The following MIER2 variants were observed in gnomAD, a reference collection of about 807,000 sequenced individuals.
MIER2 encodes MIER family member 2.
A neutral mutation model predicts 67.6 loss-of-function variants in MIER2; 30 were observed. That is an observed-to-expected ratio of 0.44 (90% CI 0.33 to 0.60). The LOEUF (loss-of-function observed/expected upper bound fraction) is 0.60. Among genes scored for constraint, MIER2 ranks in the 20% least tolerant of loss-of-function variants. MIER2 has a pLI of 0.02. For missense variants in MIER2, 702 were observed against 745.1 expected (o/e 0.94, Z 0.67); for synonymous variants, 372 against 312.6 (o/e 1.19, Z -2.00).
rs1438983342 is a variant in MIER2 at position 344,686 on chromosome 19, C to T, written c.9+88G>A. 6.7e-6 allele frequency: 6 copies of T among 899,876 alleles called. No individual in the cohort carries two copies. In the Admixed American group the frequency reaches 3.1e-4, roughly 47 times the overall value. 55.7% of individuals were successfully genotyped at this position (899,876 alleles called of 1,614,324 possible). On this transcript the variant is annotated intron_variant, in intron 1 of 13. Transcript: ENST00000264819. ...AGCTCCAGAGCGGGGCTCTCCGTCCCTGGGGCCCACGACGAGGCCGAGCCA... is the reference window on the plus strand; with the variant it reads ...AGCTCCAGAGCGGGGCTCTCCGTCCTTGGGGCCCACGACGAGGCCGAGCCA...
chr19:335,978 G>A, intron 2 of MIER2, 105 bp downstream of exon 2: 3 of 1,107,748 alleles, frequency 2.7e-6, no homozygotes, highest in Non-Finnish European at 4.0e-6. Flanking sequence ...GACTCTGGAA[G>A]CCAGTGTGCC....
In MIER2 at chr19:308,241, G is replaced by C. The variant is rs553926784; in HGVS notation, c.1198+336C>G. Among the ~76,000 whole-genome samples, 1 of 152,156 alleles carries C rather than the reference G, an allele frequency of 6.6e-6. No individual in the cohort carries two copies. The highest frequency in any genetic ancestry group is 1.5e-5 in the Non-Finnish European group (1 of 68,006). The stretch of plus-strand genomic sequence containing the variant: ...TGTCCTTCCTGAGTGTCCTGGTGAC[G>C]GGCTAAGTCCCCACCCTGGGGCAGG... On this transcript the variant is annotated intron_variant, in intron 12 of 13. Transcript: ENST00000264819. This position sits in a 1 kb window ranked among gnomAD's most constrained non-coding sequence, Gnocchi z 9.1.
At position 336,109 on chromosome 19, in the gene MIER2, C is replaced by G; in HGVS notation, c.74G>C (p.Gly25Ala). The G allele has an allele frequency of 6.2e-7, 1 of 1,613,940 alleles. No individual in the cohort carries two copies. The highest frequency in any genetic ancestry group is 8.5e-7 in the Non-Finnish European group (1 of 1,179,872). Residue 25 changes from glycine to alanine, a missense_variant, in exon 2 of 14, where the codon GGG becomes GCG. By Grantham distance (60) the Gly-to-Ala change is moderately conservative. Around this residue, in one of 3 missense-constraint regions of MIER2, gnomAD observed 320 missense variants for 292.6 expected, o/e 1.09. Coordinates refer to ENST00000264819, the MANE Select transcript of MIER2 (RefSeq NM_017550.3). ...VSCLEHSLCP[G>A]EPGLQTTAVV... ...TGCTGTTGTCTGCAAGCCCGGCTCC[C>G]CTGGGCACAGGCTGTGCTCGAGGCA...
At chr19:325,380 G>T (rs1971692957) in intron 7 of MIER2, among the ~76,000 whole-genome samples, 1 of 152,152 alleles carries the variant, frequency 6.6e-6, no homozygotes, top group South Asian at 2.1e-4. Context: ...TCAGAGGCAG[G>T]ACGGGCTGCT....
rs1568214922 is a variant in MIER2, at chr19:308,988, G to A, written c.985-63C>T. The A allele has an allele frequency of 7.7e-6, 12 of 1,563,080 alleles. 1 individual carries two copies. Among genetic ancestry groups the A allele is most frequent in the Admixed American group, 3.5e-5 (2 of 56,608 alleles). ...TGCCCAGCCCCAGCACCTGCACCAC[G>A]ATCCCAGGACGTCCTGGGACCCCGG... On this transcript the variant is annotated intron_variant, in intron 10 of 13. Transcript: ENST00000264819. The surrounding 1 kb of genome is among the most constrained non-coding windows in gnomAD (Gnocchi z 9.1).
intron 3 of MIER2, chr19:334,150 T>A: frequency 2.2e-6 from 1 of 458,244 alleles, no homozygotes; most frequent in East Asian, 4.1e-5. Context: ...TTTTTAAGAG[T>A]ACAAAGCAGG....
intron 1 of MIER2, among the ~76,000 whole-genome samples, chr19:338,518 A>G (rs770344839): frequency 6.6e-6 from 1 of 152,176 alleles, no homozygotes; most frequent in Non-Finnish European, 1.5e-5. Context: ...CTGATTGACA[A>G]ATTCAACACC....
chr19:320,646 C>T (rs1971462637), intron 7 of MIER2, among the ~76,000 whole-genome samples: 1 of 152,136 alleles, frequency 6.6e-6, no homozygotes, highest in African/African-American at 2.4e-5. Context: ...GTGAACTGCA[C>T]ACACCAGGGA....
At chr19:320,246 T>C (rs1488786866) in intron 7 of MIER2, among the ~76,000 whole-genome samples, 2 of 151,590 alleles carry the variant, frequency 1.3e-5, no homozygotes, top group African/African-American at 4.8e-5. Context: ...CGGCGTGCAG[T>C]GGCGCACATC....
At chr19:313,828 C>T (rs539044284) in intron 7 of MIER2, among the ~76,000 whole-genome samples, 185 bp from the exon 8 acceptor site, 7 of 152,308 alleles carry the variant, frequency 4.6e-5, no homozygotes, top group African/African-American at 1.4e-4. Flanking sequence ...CTCAATTCAA[C>T]TACCGAGTGG....
chr19:344,379 G>C (rs919541340), intron 1 of MIER2: 4 of 984,694 alleles, frequency 4.1e-6, no homozygotes, highest in South Asian at 4.7e-5. Flanking sequence ...AGGCGCGGGA[G>C]GGGAGGCCTG....
chr19:327,106 G>A (rs747139577), intron 5 of MIER2, 27 bp downstream of exon 5: 7 of 1,563,318 alleles, frequency 4.5e-6, no homozygotes, highest in Non-Finnish European at 6.0e-6. Context: ...CCTGGCTGCG[G>A]TGGAGTATGG....
chr19:328,511 G>T (rs1041596392), intron 3 of MIER2, among the ~76,000 whole-genome samples: 1 of 152,022 alleles, frequency 6.6e-6, no homozygotes, highest in African/African-American at 2.4e-5. Flanking sequence ...ATTTTGGAAG[G>T]CTACAGCAGG....
At chr19:339,470 A>G (rs1972405732) in intron 1 of MIER2, among the ~76,000 whole-genome samples, 2 of 152,270 alleles carry the variant, frequency 1.3e-5, no homozygotes, top group Admixed American at 6.5e-5. Context: ...GAACGTGGAC[A>G]AAGTGGAACT....
chr19:322,767 A>T (rs571762432), intron 7 of MIER2, among the ~76,000 whole-genome samples: 1 of 151,690 alleles, frequency 6.6e-6, no homozygotes, highest in Non-Finnish European at 1.5e-5. Flanking sequence ...CTCCCACACG[A>T]CTCCCCGCTG....
In MIER2 at chr19:306,437, G is replaced by A; in HGVS notation, c.*253C>T. On this transcript the variant is annotated 3_prime_UTR_variant, in exon 14 of 14. Coordinates refer to ENST00000264819, the MANE Select transcript of MIER2 (RefSeq NM_017550.3). ...GGCTGCCCGACGGATCCCACGTGCA[G>A]GCAGCGGCCCGGACCCGGGTGGCAG... 1.7e-6 allele frequency: 1 copy of A among 598,178 alleles called. No homozygotes were observed. The highest frequency in any genetic ancestry group is 3.0e-6 in the Non-Finnish European group (1 of 338,808). The allele number at this position is 598,178 out of a possible 1,614,324, so 37.1% of individuals were successfully genotyped here. A position where few individuals can be genotyped will look rare whatever the true frequency, so the allele number is the denominator to read the frequency against.
At chr19:320,379 A>G (rs1038596664) in intron 7 of MIER2, among the ~76,000 whole-genome samples, 1 of 151,918 alleles carries the variant, frequency 6.6e-6, no homozygotes, top group African/African-American at 2.4e-5. Flanking sequence ...GACTTTGTCC[A>G]AAAAACTAAA....
chr19:318,016 C>A (rs1971335087), intron 7 of MIER2, among the ~76,000 whole-genome samples: 1 of 151,756 alleles, frequency 6.6e-6, no homozygotes, highest in Admixed American at 6.6e-5. Context: ...CCAGCCTGGC[C>A]AACATGGTGA....
chr19:306,641 G>A lies in MIER2; in HGVS notation c.*49C>T, dbSNP rs374520484. 42 of 1,549,808 alleles carry A rather than the reference G, an allele frequency of 2.7e-5. No individual in the cohort carries two copies. The highest frequency in any genetic ancestry group is 7.3e-5 in the East Asian group (3 of 40,900). On this transcript the variant is annotated 3_prime_UTR_variant, in exon 14 of 14. Transcript: ENST00000264819. ...GAAGACTGACAGAGGCGGGCCCAGC[G>A]GCAGCGCTAAGTCCAGTCTGGGCCG...
Sources: allele counts gnomAD v4.1 joint callset (sites outside exome capture counted in the v4.1 genomes callset), GRCh38; gene constraint gnomAD v4.1.1; regional missense constraint gnomAD v4.1.1; non-coding constraint Gnocchi (gnomAD v3.1); transcripts MANE v1.5; gene names NCBI Gene and HGNC (gene_info 2026-07-23, HGNC 2026-07-21).